HHIPL1: variants seen among roughly 807,000 people sequenced by gnomAD.
The protein encoded by HHIPL1 is HHIP like 1.
A neutral mutation model predicts 61.8 loss-of-function variants in HHIPL1; 43 were observed. That is an observed-to-expected ratio of 0.70 (90% CI 0.55 to 0.90). The LOEUF is 0.90. Among genes scored for constraint, HHIPL1 ranks in the 40% least tolerant of loss-of-function variants. HHIPL1 has a pLI of 0.00. For synonymous variants in HHIPL1, 482 were observed against 515.8 expected, an observed-to-expected ratio of 0.93 and a Z score of 0.89; for missense variants, 1,056 against 1,157.7, an observed-to-expected ratio of 0.91 and a Z score of 1.28.
chr14:99,611,920 C>G, the HHIPL1 span, among the ~76,000 whole-genome samples: 37 of 152,304 alleles, frequency 2.4e-4, 1 homozygote, highest in South Asian at 7.5e-3. Context: ...CTAATTCTTA[C>G]TCCTGCCAGA....
At chr14:99,633,363 G>A in the HHIPL1 span, among the ~76,000 whole-genome samples, 1 of 152,234 alleles carries the variant, frequency 6.6e-6, no homozygotes. Context: ...GGGACACCCA[G>A]GAGAGAGTCT....
the HHIPL1 span, among the ~76,000 whole-genome samples, chr14:99,637,035 GAAAGAAAGAAA>G: frequency 9.9e-6 from 1 of 101,018 alleles, no homozygotes; most frequent in African/African-American, 4.2e-5. Flanking sequence ...AAGAAAGAAA[GAAAGAAAGAAA>G]GAAGGAAGGA....
At chr14:99,615,665 G>GA in the HHIPL1 span, among the ~76,000 whole-genome samples, 1 of 144,712 alleles carries the variant, frequency 6.9e-6, no homozygotes, top group South Asian at 2.2e-4. Flanking sequence ...GAGAAAGAAA[G>GA]AAAAAGAAAG....
chr14:99,661,063 T>C (rs1019898972), intron 5 of HHIPL1, among the ~76,000 whole-genome samples: 2 of 152,164 alleles, frequency 1.3e-5, no homozygotes, highest in Non-Finnish European at 2.9e-5. Flanking sequence ...ATAGGTTTGA[T>C]GGGGGAGGGA....
At chr14:99,632,664 G>A in the HHIPL1 span, among the ~76,000 whole-genome samples, 2 of 152,118 alleles carry the variant, frequency 1.3e-5, no homozygotes, top group African/African-American at 4.8e-5. Flanking sequence ...ACTCTTCTCG[G>A]ACTTGCTCAC....
chr14:99,632,891 G>A, the HHIPL1 span, among the ~76,000 whole-genome samples: 1 of 152,028 alleles, frequency 6.6e-6, no homozygotes, highest in Admixed American at 6.6e-5. Context: ...GTGAGAGAGA[G>A]AGAGAGAGAA....
At chr14:99,612,530 C>A in the HHIPL1 span, among the ~76,000 whole-genome samples, 1 of 152,194 alleles carries the variant, frequency 6.6e-6, no homozygotes, top group Non-Finnish European at 1.5e-5. Flanking sequence ...TACACAAATA[C>A]AATGTAACAT....
chr14:99,629,152 G>T, the HHIPL1 span, among the ~76,000 whole-genome samples: 1 of 152,192 alleles, frequency 6.6e-6, no homozygotes, highest in African/African-American at 2.4e-5. Flanking sequence ...CCAGGCCAGG[G>T]AAACACCATC....
the HHIPL1 span, among the ~76,000 whole-genome samples, chr14:99,637,580 A>AG: frequency 6.6e-6 from 1 of 152,230 alleles, no homozygotes; most frequent in South Asian, 2.1e-4. Flanking sequence ...TCAAAAAAAA[A>AG]AAAAGAAAGA....
At chr14:99,605,033 C>T in the HHIPL1 span, among the ~76,000 whole-genome samples, 1 of 152,188 alleles carries the variant, frequency 6.6e-6, no homozygotes, top group Non-Finnish European at 1.5e-5. Flanking sequence ...AGCCGCGTCC[C>T]GCAGCGCGGT....
At chr14:99,671,464 C>T (rs1165964514) in intron 7 of HHIPL1, among the ~76,000 whole-genome samples, 1 of 152,180 alleles carries the variant, frequency 6.6e-6, no homozygotes, top group Non-Finnish European at 1.5e-5. Flanking sequence ...CCTTGTCCCT[C>T]TTTTGTGTCC....
At chr14:99,613,948 A>G in the HHIPL1 span, among the ~76,000 whole-genome samples, 3 of 152,106 alleles carry the variant, frequency 2.0e-5, no homozygotes, top group Non-Finnish European at 1.5e-5. Flanking sequence ...AATTCCTAGC[A>G]TAGAGCCTGG....
the HHIPL1 span, among the ~76,000 whole-genome samples, chr14:99,629,336 T>G: frequency 1.3e-5 from 2 of 152,164 alleles, no homozygotes; most frequent in African/African-American, 4.8e-5. Context: ...TATGTATTTA[T>G]CTTAAAAATA....
At chr14:99,639,383 A>G in the HHIPL1 span, among the ~76,000 whole-genome samples, 1 of 152,076 alleles carries the variant, frequency 6.6e-6, no homozygotes, top group South Asian at 2.1e-4. Context: ...AGGGTCTCGC[A>G]CTGTCACCCA....
the HHIPL1 span, among the ~76,000 whole-genome samples, chr14:99,637,114 AG>A: frequency 7.0e-6 from 1 of 143,274 alleles, no homozygotes; most frequent in Non-Finnish European, 1.5e-5. Flanking sequence ...AAAGAAAGAA[AG>A]AAAGAAAAGA....
At chr14:99,656,159 A>G (rs1387080406) in intron 2 of HHIPL1, among the ~76,000 whole-genome samples, 1 of 152,262 alleles carries the variant, frequency 6.6e-6, no homozygotes, top group Non-Finnish European at 1.5e-5. Flanking sequence ...GATGAGCTCA[A>G]CATAAGTAAC....
intron 2 of HHIPL1, among the ~76,000 whole-genome samples, chr14:99,654,205 A>AAG (rs1566808734): frequency 2.0e-5 from 3 of 150,912 alleles, no homozygotes; most frequent in African/African-American, 7.3e-5. Flanking sequence ...AAAAAAAAAA[A>AAG]AAAGAAAAAA....
the HHIPL1 span, among the ~76,000 whole-genome samples, chr14:99,635,668 A>G: frequency 1.3e-5 from 2 of 152,066 alleles, no homozygotes; most frequent in East Asian, 1.9e-4. Context: ...TCATTCATTC[A>G]TTCATTTCCT....
Position 99,675,345 on chromosome 14 carries a change from G to A in HHIPL1, c.2068G>A (p.Val690Met). Reference protein sequence around the residue: ...GLSSGSGRVEVFVGGRWGTVC... With the variant: ...GLSSGSGRVEMFVGGRWGTVC... ...GAGCTCTGGCAGCGGGCGCGTGGAG[G>A]TGTTCGTGGGCGGACGCTGGGGCAC... The change falls in exon 9 of 9, where the codon GTG becomes ATG. Residue 690 changes from valine to methionine, a missense_variant. By Grantham distance (21) the Val-to-Met change is conservative. Transcript: ENST00000330710. The surrounding 1 kb of genome is among the most constrained non-coding windows in gnomAD (Gnocchi z 5.4). The A allele has an allele frequency of 6.8e-7, 1 of 1,467,466 alleles. No homozygotes were observed. Among genetic ancestry groups the A allele is most frequent in the Non-Finnish European group, 9.0e-7 (1 of 1,110,060 alleles). 90.9% of individuals were successfully genotyped at this position (1,467,466 alleles called of 1,614,324 possible).
Sources: gnomAD v4.1 joint callset for allele counts (sites outside exome capture counted in the v4.1 genomes callset) on GRCh38, gnomAD v4.1.1 for gene constraint, Gnocchi (gnomAD v3.1) non-coding constraint, MANE v1.5 for transcripts, NCBI Gene and HGNC (gene_info 2026-07-23, HGNC 2026-07-21) for gene names.